Variants in STIL observed in about 807,000 individuals in gnomAD.
The protein encoded by STIL is SCL-interrupting locus protein.
STIL carries 55 observed loss-of-function variants against 110.1 expected under a neutral mutation model. The observed-to-expected ratio is 0.50, with a 90% CI of 0.40 to 0.63. STIL has a LOEUF of 0.63. Ranked by LOEUF, STIL falls within the 20% of genes least tolerant of loss-of-function variation. The pLI is 0.00. For missense variants in STIL, 1,358 were observed against 1,530.0 expected (o/e 0.89, Z 1.87); for synonymous variants, 481 against 530.0 (o/e 0.91, Z 1.27).
In STIL at chr1:47,302,245, G is replaced by C; in HGVS notation, c.254C>G (p.Thr85Arg). The C allele has an allele frequency of 1.2e-6, 2 of 1,612,488 alleles. No homozygotes were observed. Among genetic ancestry groups the C allele is most frequent in the Non-Finnish European group, 1.7e-6 (2 of 1,178,590 alleles). Residue 85 changes from threonine (T) to arginine (R), a missense_variant, in exon 4 of 17, where the codon ACA becomes AGA. Thr to Arg is a moderately conservative substitution (Grantham distance 71). Coordinates refer to ENST00000371877, the MANE Select transcript of STIL (RefSeq NM_001048166.1). ...TAAAAGTGTATTACCTTCGTCTGCT[G>C]TCAGAGAACCAAGTAAAAAGCATGA... Reference protein sequence around the residue: ...NSSCFLLGSLTADEDEEGVTL... With the variant: ...NSSCFLLGSLRADEDEEGVTL...
chr1:47,299,455 C>A (rs189482842), intron 6 of STIL, among the ~76,000 whole-genome samples: 1 of 146,504 alleles, frequency 6.8e-6, no homozygotes, highest in South Asian at 2.1e-4. Flanking sequence ...TGCTGTGGTG[C>A]GATCTCAGCT....
intron 10 of STIL, among the ~76,000 whole-genome samples, chr1:47,286,121 C>G (rs1645291695): frequency 6.7e-6 from 1 of 150,344 alleles, no homozygotes; most frequent in Admixed American, 6.6e-5. Flanking sequence ...CTGATCCGCC[C>G]GCCTCAGCCT....
chr1:47,269,088 CAA>C (rs60406768), intron 14 of STIL, among the ~76,000 whole-genome samples: 116 of 108,184 alleles, frequency 1.1e-3, no homozygotes, highest in Admixed American at 1.4e-3. Flanking sequence ...GGGACTCCGT[CAA>C]AAAAAAAAAA....
chr1:47,269,751 A>G lies in STIL; in HGVS notation c.2499T>C (p.Asn833=). 6.2e-7 allele frequency: 1 copy of G among 1,614,182 alleles called. No individual in the cohort carries two copies. The highest frequency in any genetic ancestry group is 8.5e-7 in the Non-Finnish European group (1 of 1,180,032). ...CACTACCTGGAAGACTTGTGACTTC[A>G]TTATTAATATCGACAGAAAAATTCA... ...EDMNFSVDIN[N]EVTSLPGSAS... Residue 833 remains asparagine (N), a synonymous_variant, in exon 14 of 17, where the codon AAT becomes AAC. Transcript: ENST00000371877.
At chr1:47,271,834 A>C (rs1017169633) in intron 13 of STIL, among the ~76,000 whole-genome samples, 6 of 151,968 alleles carry the variant, frequency 3.9e-5, no homozygotes, top group Admixed American at 6.6e-5. Context: ...AAACAAAAAA[A>C]AAACCAGAAT....
At chr1:47,281,264 C>T in intron 11 of STIL, 55 bp from the exon 12 acceptor site, 1 of 1,525,720 alleles carries the variant, frequency 6.6e-7, no homozygotes, top group East Asian at 2.4e-5. Flanking sequence ...AAACTGTATA[C>T]TTTACTTTCC....
intron 4 of STIL, 67 bp from the exon 5 acceptor site, chr1:47,301,815 A>T (rs1457125064): frequency 1.4e-6 from 2 of 1,462,504 alleles, no homozygotes; most frequent in Non-Finnish European, 1.9e-6. Flanking sequence ...ACCAAGCAAG[A>T]CTACATTATA....
At position 47,280,951 on chromosome 1, in the gene STIL, A is replaced by G. The variant is rs772401403; in HGVS notation, c.1507T>C (p.Cys503Arg). ...NQDKPALLRH[C>R]KVRQPPAYKK... Reference sequence around the variant, plus strand: ...TAGGCAGGTGGCTGTCTTACTTTGCAGTGTCTCAAAAGAGCTGGTTTATCC... The same window carrying G: ...TAGGCAGGTGGCTGTCTTACTTTGCGGTGTCTCAAAAGAGCTGGTTTATCC... The change falls in exon 12 of 17, where the codon TGC becomes CGC. Residue 503 changes from cysteine to arginine, a missense_variant. Cys to Arg is a radical substitution (Grantham distance 180). Transcript: ENST00000371877. 6.2e-7 allele frequency: 1 copy of G among 1,613,928 alleles called. No individual in the cohort carries two copies. The highest frequency in any genetic ancestry group is 2.2e-5 in the East Asian group (1 of 44,886).
At position 47,260,504 on chromosome 1, in the gene STIL, C is replaced by T. The variant is rs773046719; in HGVS notation, c.2865G>A (p.Lys955=). ...CTTTGGTAGACGGCTGCTCAGTTTC[C>T]TTGGAGGAACTATTTAATAGGTGGT... ...QVNHLLNSSS[K]ETEQPSTKAV... Residue 955 remains lysine (K), a synonymous_variant, in exon 16 of 17, where the codon AAG becomes AAA. Transcript: ENST00000371877. 17 of 1,613,942 alleles carry T rather than the reference C, an allele frequency of 1.1e-5. No individual in the cohort carries two copies. The African/African-American group carries it at 1.2e-4, about 11-fold the overall frequency.
intron 1 of STIL, 70 bp from the exon 2 acceptor site, chr1:47,310,432 A>G (rs1646089495): frequency 1.0e-6 from 1 of 989,170 alleles, no homozygotes. Context: ...TTAACCACAT[A>G]TTAAAATTAC....
intron 6 of STIL, among the ~76,000 whole-genome samples, chr1:47,297,359 A>G (rs1402735432): frequency 6.6e-6 from 1 of 151,974 alleles, no homozygotes; most frequent in Admixed American, 6.6e-5. Flanking sequence ...AAAAAAAAGA[A>G]TTAGTTCAGG....
intron 6 of STIL, 52 bp downstream of exon 6, chr1:47,299,853 C>T: frequency 6.4e-7 from 1 of 1,568,234 alleles, no homozygotes; most frequent in Non-Finnish European, 8.7e-7. Context: ...CATGGACATT[C>T]TGAAAATATA....
intron 2 of STIL, among the ~76,000 whole-genome samples, chr1:47,305,718 G>T (rs975352723): frequency 8.2e-6 from 1 of 121,342 alleles, no homozygotes; most frequent in Non-Finnish European, 1.7e-5. Context: ...GAGCCACCAC[G>T]CCTGGCCTTT....
rs1247428846 is a variant in STIL at position 47,280,600 on chromosome 1, A to G, written c.1858T>C (p.Trp620Arg). Residue 620 changes from tryptophan (W) to arginine (R), a missense_variant, in exon 12 of 17, where the codon TGG becomes CGG. Transcript: ENST00000371877. ...SHIQYSPLNS[W>R]QGANTVGSIQ... Reference sequence around the variant, plus strand: ...GATCCAACTGTGTTTGCTCCTTGCCAAGAATTTAGCGGACTATATTGAATA... The same window carrying G: ...GATCCAACTGTGTTTGCTCCTTGCCGAGAATTTAGCGGACTATATTGAATA... 2 of 1,614,146 alleles carry G rather than the reference A, an allele frequency of 1.2e-6. No individual in the cohort carries two copies. The highest frequency in any genetic ancestry group is 1.7e-6 in the Non-Finnish European group (2 of 1,180,060).
At position 47,287,593 on chromosome 1, in the gene STIL, G is replaced by C; in HGVS notation, c.1091C>G (p.Thr364Arg). ...CTTGGAAGCCTTACTGAAAAACTCT[G>C]TTTCTGCATTTTGGCTTTCAGCGCT... ...ELSAESQNAE[T>R]EFFSKASKNF... Residue 364 changes from threonine (T) to arginine (R), a missense_variant, in exon 10 of 17, where the codon ACA becomes AGA. Physicochemically the swap from Thr to Arg is moderately conservative, Grantham distance 71. Coordinates refer to ENST00000371877, the MANE Select transcript of STIL (RefSeq NM_001048166.1). 2 of 1,612,356 alleles carry C rather than the reference G, an allele frequency of 1.2e-6. No homozygotes were observed. Among genetic ancestry groups the C allele is most frequent in the Non-Finnish European group, 1.7e-6 (2 of 1,179,162 alleles).
In STIL at chr1:47,310,294, C is replaced by T. The variant is rs369825711; in HGVS notation, c.26G>A (p.Arg9Gln). 65 of 1,612,834 alleles carry T rather than the reference C, an allele frequency of 4.0e-5. No individual in the cohort carries two copies. In the Middle Eastern group the frequency reaches 3.3e-3, roughly 82 times the overall value. Residue 9 changes from arginine (R) to glutamine (Q), a missense_variant, in exon 2 of 17, where the codon CGG becomes CAG. Transcript: ENST00000371877. Reference protein sequence around the residue: MEPIYPFARPQMNTRFPSS... With the variant: MEPIYPFAQPQMNTRFPSS... ...TCTATACCTGGTATTCATCTGGGGC[C>T]GTGCAAAAGGATATATAGGCTCCAT...
intron 6 of STIL, among the ~76,000 whole-genome samples, chr1:47,298,996 G>A (rs537301757): frequency 1.7e-4 from 26 of 150,332 alleles, no homozygotes; most frequent in Middle Eastern, 3.5e-3. Flanking sequence ...TGATCCACCC[G>A]CCTCGGCCTC....
At chr1:47,257,454 A>T (rs1425112101) in intron 16 of STIL, among the ~76,000 whole-genome samples, 1 of 152,238 alleles carries the variant, frequency 6.6e-6, no homozygotes. Context: ...TGATTGTACC[A>T]TCATACTCCA....
chr1:47,255,406 G>A (rs1374731578), intron 16 of STIL, among the ~76,000 whole-genome samples: 1 of 151,452 alleles, frequency 6.6e-6, no homozygotes, highest in African/African-American at 2.4e-5. Flanking sequence ...AAATAAGCTG[G>A]GTGTGCTGCT....
Sources: gnomAD v4.1 joint callset for allele counts (sites outside exome capture counted in the v4.1 genomes callset) on GRCh38, gnomAD v4.1.1 for gene constraint, MANE v1.5 for transcripts, NCBI Gene and HGNC (gene_info 2026-07-23, HGNC 2026-07-21) for gene names.